The following GLIS3 variants were observed in gnomAD, a reference collection of about 807,000 sequenced individuals.
GLIS3 encodes the protein GLIS family zinc finger 3.
GLIS3 carries 53 observed loss-of-function variants against 78.6 expected under a neutral mutation model. That is an observed-to-expected ratio of 0.67 (90% confidence interval 0.54 to 0.85). GLIS3 has a LOEUF of 0.85. GLIS3 is among the 40% of genes least tolerant of loss of function. The probability of loss-of-function intolerance (pLI) is 0.00; values close to 1 mark genes in which losing one functional copy is unlikely to be tolerated. For missense variants in GLIS3, 1,703 were observed against 1,231.1 expected, an observed-to-expected ratio of 1.38 and a Z score of -5.74; for synonymous variants, 684 against 509.9, an observed-to-expected ratio of 1.34 and a Z score of -4.60.
chr9:4,235,284 G>C (rs1323980211), intron 2 of GLIS3, among the ~76,000 whole-genome samples: 1 of 122,434 alleles, frequency 8.2e-6, no homozygotes, highest in Non-Finnish European at 1.6e-5. Context: ...GGGCGACACA[G>C]TGAGACTCTG....
At chr9:3,954,463 G>A (rs901508063) in intron 4 of GLIS3, among the ~76,000 whole-genome samples, 1 of 152,234 alleles carries the variant, frequency 6.6e-6, no homozygotes, top group African/African-American at 2.4e-5. Context: ...CGTGGTTAAA[G>A]AGAAATGATT....
intron 4 of GLIS3, among the ~76,000 whole-genome samples, chr9:4,112,944 G>A (rs1459448017): frequency 6.6e-6 from 1 of 151,908 alleles, no homozygotes; most frequent in Non-Finnish European, 1.5e-5. Context: ...CTTTTGAGAT[G>A]TAACCACTAT....
chr9:3,915,616 G>C (rs1824456115), intron 6 of GLIS3, among the ~76,000 whole-genome samples: 1 of 152,122 alleles, frequency 6.6e-6, no homozygotes, highest in Non-Finnish European at 1.5e-5. Flanking sequence ...GAAACTCCAG[G>C]CTCAGCGGTC....
the GLIS3 span, among the ~76,000 whole-genome samples, chr9:4,422,486 G>A: frequency 1.3e-5 from 2 of 152,234 alleles, no homozygotes; most frequent in East Asian, 3.9e-4. Flanking sequence ...CTACCCCCAG[G>A]AGTCTAGTGG....
At chr9:4,075,097 AAC>A (rs35617469) in intron 4 of GLIS3, among the ~76,000 whole-genome samples, 61,757 of 136,790 alleles carry the variant, frequency 0.45, 12,978 homozygotes, top group East Asian at 0.63. Flanking sequence ...GATGAACAAC[AAC>A]ACAACAACAA....
chr9:4,072,639 T>C lies in GLIS3; in HGVS notation c.1710+45129A>G, dbSNP rs574528386. ...AACATGACATTTTTCCTCTTTATAATTCACTGAAAAGTTTAGCCAAGCATG... is the reference window on the plus strand; with the variant it reads ...AACATGACATTTTTCCTCTTTATAACTCACTGAAAAGTTTAGCCAAGCATG... On this transcript the variant is annotated intron_variant, in intron 4 of 10. Coordinates refer to ENST00000381971, the MANE Select transcript of GLIS3 (RefSeq NM_001042413.2). Among the ~76,000 whole-genome samples the C allele has an allele frequency of 4.6e-5, 7 of 152,276 alleles. No individual in the cohort carries two copies. In the South Asian group the frequency reaches 1.5e-3, roughly 32 times the overall value.
At chr9:4,475,118 T>G in the GLIS3 span, among the ~76,000 whole-genome samples, 2 of 150,992 alleles carry the variant, frequency 1.3e-5, no homozygotes, top group East Asian at 3.9e-4. Flanking sequence ...CTCAGCCTCC[T>G]GAGTAGCTGG....
chr9:4,382,678 C>T, the GLIS3 span, among the ~76,000 whole-genome samples: 1 of 152,236 alleles, frequency 6.6e-6, no homozygotes, highest in East Asian at 1.9e-4. Flanking sequence ...CCTCCTGAGA[C>T]AAAATTCTAG....
At chr9:4,467,094 G>A in the GLIS3 span, among the ~76,000 whole-genome samples, 29 of 152,362 alleles carry the variant, frequency 1.9e-4, no homozygotes, top group Admixed American at 6.5e-4. Flanking sequence ...AGGGGCATCT[G>A]CCATTGCTGA....
At chr9:3,996,721 T>A (rs1384713399) in intron 4 of GLIS3, among the ~76,000 whole-genome samples, 1 of 151,922 alleles carries the variant, frequency 6.6e-6, no homozygotes, top group African/African-American at 2.4e-5. Flanking sequence ...AGACCCAACA[T>A]AGAGAATGAA....
chr9:4,004,984 T>C (rs955756723), intron 4 of GLIS3, among the ~76,000 whole-genome samples: 8 of 152,232 alleles, frequency 5.3e-5, no homozygotes, highest in Non-Finnish European at 1.0e-4. Context: ...GATTAAATTC[T>C]ACAGCTCCTC....
At chr9:4,468,299 T>G in the GLIS3 span, among the ~76,000 whole-genome samples, 1 of 152,036 alleles carries the variant, frequency 6.6e-6, no homozygotes, top group Non-Finnish European at 1.5e-5. Context: ...ACAAAGATAC[T>G]CCTTGAGAAG....
intron 2 of GLIS3, among the ~76,000 whole-genome samples, chr9:4,278,407 G>A (rs1473221609): frequency 1.3e-5 from 2 of 152,160 alleles, no homozygotes; most frequent in African/African-American, 4.8e-5. Context: ...ATGCCTGTAA[G>A]CAAGGAAGTA....
chr9:4,321,444 A>AG (rs1817526829), intron 2 of GLIS3, among the ~76,000 whole-genome samples: 1 of 123,744 alleles, frequency 8.1e-6, no homozygotes, highest in Non-Finnish European at 1.5e-5. Context: ...AAAAAAAAAA[A>AG]AAAAAAAAAA....
At chr9:4,248,903 T>G (rs1824074908) in intron 2 of GLIS3, among the ~76,000 whole-genome samples, 1 of 152,208 alleles carries the variant, frequency 6.6e-6, no homozygotes, top group Non-Finnish European at 1.5e-5. Context: ...AAGTGTCTGT[T>G]CGTATACTTC....
At chr9:4,055,061 T>G (rs898632031) in intron 4 of GLIS3, among the ~76,000 whole-genome samples, 12 of 152,218 alleles carry the variant, frequency 7.9e-5, no homozygotes, top group Non-Finnish European at 1.5e-4. Context: ...CCTCTTTTCC[T>G]TGTCCAGTGG....
chr9:4,208,273 T>C (rs1359633054), intron 2 of GLIS3, among the ~76,000 whole-genome samples: 1 of 152,210 alleles, frequency 6.6e-6, no homozygotes, highest in Non-Finnish European at 1.5e-5. Flanking sequence ...GATCTGATAA[T>C]TAAGCGGCTT....
chr9:4,153,350 G>C (rs1015336821), intron 2 of GLIS3, among the ~76,000 whole-genome samples: 12 of 152,186 alleles, frequency 7.9e-5, no homozygotes, highest in Non-Finnish European at 1.2e-4. Flanking sequence ...GATCATTTGA[G>C]GTCAGGAGTT....
intron 8 of GLIS3, among the ~76,000 whole-genome samples, chr9:3,873,566 G>A (rs1821103343): frequency 6.6e-6 from 1 of 152,006 alleles, no homozygotes. Flanking sequence ...TTGGTTGTGG[G>A]ACATCCTAAA....
Sources: allele counts gnomAD v4.1 joint callset (sites outside exome capture counted in the v4.1 genomes callset), GRCh38; gene constraint gnomAD v4.1.1; transcripts MANE v1.5; gene names NCBI Gene and HGNC (gene_info 2026-07-23, HGNC 2026-07-21).